KDM4C: variants seen among roughly 807,000 people sequenced by gnomAD.
KDM4C encodes lysine-specific demethylase 4C.
KDM4C carries 81 observed loss-of-function variants against 129.3 expected under a neutral mutation model. That is an observed-to-expected ratio of 0.63 (90% confidence interval 0.52 to 0.75). The LOEUF (loss-of-function observed/expected upper bound fraction) is 0.75, where lower values mean the gene tolerates loss of function less well. Among genes scored for constraint, KDM4C ranks in the 30% least tolerant of loss-of-function variants. KDM4C has a pLI of 0.00. For missense variants in KDM4C, 1,457 were observed against 1,304.0 expected, an observed-to-expected ratio of 1.12 and a Z score of -1.81; for synonymous variants, 573 against 456.1, an observed-to-expected ratio of 1.26 and a Z score of -3.26.
intron 19 of KDM4C, among the ~76,000 whole-genome samples, chr9:7,164,571 C>T (rs921709633): frequency 5.3e-5 from 8 of 152,196 alleles, no homozygotes; most frequent in African/African-American, 7.2e-5. Context: ...TTAGAAGGGC[C>T]GTGCTAAACA....
chr9:6,728,886 G>A (rs991528761), intron 1 of KDM4C, among the ~76,000 whole-genome samples: 2 of 151,542 alleles, frequency 1.3e-5, no homozygotes, highest in Admixed American at 6.6e-5. Flanking sequence ...TCTCATTAAT[G>A]TGTGGCCAGA....
intron 4 of KDM4C, among the ~76,000 whole-genome samples, chr9:6,819,762 G>GTT (rs1832709795): frequency 6.6e-6 from 1 of 152,164 alleles, no homozygotes; most frequent in Non-Finnish European, 1.5e-5. Flanking sequence ...CTTACTGTCA[G>GTT]GAATGTTTGA....
rs1842231727 is a variant in KDM4C at position 6,867,526 on chromosome 9, A to T, written c.630-12486A>T. 2.0e-5 allele frequency among the ~76,000 whole-genome samples: 3 copies of T among 152,352 alleles called. No homozygotes were observed. The South Asian group carries it at 6.2e-4, about 32-fold the overall frequency. On this transcript the variant is annotated intron_variant, in intron 5 of 21. Transcript: ENST00000381309. ...TTCAGAAAATTTTTGATATGGGCAG[A>T]CAGCTTTATATGGGCATGTTTTTCA...
At chr9:6,796,784 AT>A (rs1047905607) in intron 2 of KDM4C, among the ~76,000 whole-genome samples, 1 of 152,154 alleles carries the variant, frequency 6.6e-6, no homozygotes, top group African/African-American at 2.4e-5. Context: ...GTTTCAAATC[AT>A]TTTTGCCATC....
chr9:7,110,438 T>A (rs974196146), intron 18 of KDM4C, among the ~76,000 whole-genome samples: 2 of 152,220 alleles, frequency 1.3e-5, no homozygotes, highest in Non-Finnish European at 2.9e-5. Context: ...TTGTTCTAAC[T>A]TGAGGGCTTA....
intron 1 of KDM4C, among the ~76,000 whole-genome samples, chr9:6,741,511 T>A (rs897300578): frequency 9.9e-5 from 15 of 152,206 alleles, no homozygotes; most frequent in African/African-American, 3.6e-4. Context: ...TTTCTTATGT[T>A]CCTAGCTTCC....
chr9:7,008,333 A>T (rs1156889117), intron 12 of KDM4C, among the ~76,000 whole-genome samples: 1 of 152,132 alleles, frequency 6.6e-6, no homozygotes, highest in African/African-American at 2.4e-5. Flanking sequence ...AGACTAGCTC[A>T]AGTGTCAGGT....
At chr9:6,962,132 T>A (rs1563892595) in intron 8 of KDM4C, among the ~76,000 whole-genome samples, 1 of 152,228 alleles carries the variant, frequency 6.6e-6, no homozygotes, top group South Asian at 2.1e-4. Flanking sequence ...TTAAATTGAT[T>A]GATTGAAAAA....
chr9:7,070,405 C>T (rs1833031088), intron 17 of KDM4C, among the ~76,000 whole-genome samples: 1 of 152,038 alleles, frequency 6.6e-6, no homozygotes, highest in African/African-American at 2.4e-5. Flanking sequence ...GCCAGCATAA[C>T]CCTGATACTC....
intron 8 of KDM4C, among the ~76,000 whole-genome samples, chr9:6,937,549 A>C (rs1273615448): frequency 1.3e-5 from 2 of 151,962 alleles, no homozygotes; most frequent in Non-Finnish European, 2.9e-5. Context: ...TTGGATATTA[A>C]CCTCTTTGAT....
At chr9:7,108,775 C>G (rs907057795) in intron 18 of KDM4C, among the ~76,000 whole-genome samples, 3 of 152,244 alleles carry the variant, frequency 2.0e-5, no homozygotes, top group East Asian at 1.9e-4. Context: ...CATTCTAGGC[C>G]TCAACAATGT....
chr9:6,792,790 G>T (rs573009863), intron 1 of KDM4C, among the ~76,000 whole-genome samples, 182 bp from the exon 2 acceptor site: 2 of 152,314 alleles, frequency 1.3e-5, no homozygotes, highest in Non-Finnish European at 2.9e-5. Flanking sequence ...GGAATGACTA[G>T]AGGCCCTTGT....
At chr9:7,078,924 G>A (rs1051681083) in intron 17 of KDM4C, among the ~76,000 whole-genome samples, 4 of 152,146 alleles carry the variant, frequency 2.6e-5, no homozygotes, top group African/African-American at 9.7e-5. Flanking sequence ...AGGATACAAA[G>A]CAAAGTTTGC....
chr9:7,151,875 G>C (rs955229383), intron 19 of KDM4C, among the ~76,000 whole-genome samples: 1 of 152,148 alleles, frequency 6.6e-6, no homozygotes, highest in African/African-American at 2.4e-5. Context: ...TTTCTTCTAA[G>C]CATGTTAGAA....
At chr9:6,749,879 G>C (rs1818011949) in intron 1 of KDM4C, among the ~76,000 whole-genome samples, 1 of 150,766 alleles carries the variant, frequency 6.6e-6, no homozygotes, top group Non-Finnish European at 1.5e-5. Flanking sequence ...GCAGCTACTT[G>C]GGAGGCCGAG....
At position 6,893,160 on chromosome 9, in the gene KDM4C, T is replaced by A; in HGVS notation, c.849T>A (p.His283Gln). The stretch of plus-strand genomic sequence containing the variant: ...ATGGCTACCATGCTGGTTTTAATCA[T>A]GGTTTCAACTGTGCAGAATCTACAA... The part of the protein sequence containing the change: ...FPYGYHAGFN[H>Q]GFNCAESTNF... Residue 283 changes from histidine (H) to glutamine (Q), a missense_variant, in exon 8 of 22, where the codon CAT (histidine) becomes CAA (glutamine). Physicochemically the swap from His to Gln is conservative, Grantham distance 24 (BLOSUM62 0). Transcript: ENST00000381309. 1 of 1,609,936 alleles carries A rather than the reference T, an allele frequency of 6.2e-7. No individual in the cohort carries two copies. Among genetic ancestry groups the A allele is most frequent in the Non-Finnish European group, 8.5e-7 (1 of 1,177,966 alleles).
At position 6,786,295 on chromosome 9, in the gene KDM4C, G is replaced by T. The variant is rs555044907; in HGVS notation, c.-17-6677G>T. Among the ~76,000 whole-genome samples the T allele has an allele frequency of 2.4e-3, 366 of 152,278 alleles. 2 individuals are homozygous for T. The highest frequency in any genetic ancestry group is 8.5e-3 in the African/African-American group (354 of 41,566). Reference sequence around the variant, plus strand: ...GTAGATGTTTGTCCTTTATCATAATGTAAAAATTTTCAGAAACAAACATGG... The same window carrying T: ...GTAGATGTTTGTCCTTTATCATAATTTAAAAATTTTCAGAAACAAACATGG... On this transcript the variant is annotated intron_variant, in intron 1 of 21. Transcript: ENST00000381309.
At position 6,795,628 on chromosome 9, in the gene KDM4C, G is replaced by A. The variant is rs573106500; in HGVS notation, c.144+2496G>A. ...ATTATAGGCATGAGCCACCGTGCCC[G>A]GACATGTATCTTGTTAAAGTTCATG... is the stretch of plus-strand genomic sequence containing the variant. On this transcript the variant is annotated intron_variant, in intron 2 of 21. Transcript: ENST00000381309. Among the ~76,000 whole-genome samples, 8 of 152,062 alleles carry A rather than the reference G, an allele frequency of 5.3e-5. No individual in the cohort carries two copies. In the East Asian group the frequency reaches 7.7e-4, roughly 15 times the overall value.
At position 6,952,383 on chromosome 9, in the gene KDM4C, T is replaced by G. The variant is rs973531007; in HGVS notation, c.922-28542T>G. Among the ~76,000 whole-genome samples the G allele has an allele frequency of 8.1e-5, 12 of 148,578 alleles. No individual in the cohort carries two copies. In the South Asian group the frequency reaches 8.6e-4, roughly 11 times the overall value. ...GTTGTTAGGCCAATACTTACTGATA[T>G]GGGAAATTGTTCACAGTGTGTATGT... On this transcript the variant is annotated intron_variant, in intron 8 of 21. Coordinates refer to ENST00000381309, the MANE Select transcript of KDM4C (RefSeq NM_015061.6).
Sources: gnomAD v4.1 joint callset for allele counts (sites outside exome capture counted in the v4.1 genomes callset) on GRCh38, gnomAD v4.1.1 for gene constraint, MANE v1.5 for transcripts, NCBI Gene and HGNC (gene_info 2026-07-23, HGNC 2026-07-21) for gene names.